The following SLC25A21 variants were observed in gnomAD, a reference collection of about 807,000 sequenced individuals.
The protein encoded by SLC25A21 is solute carrier family 25 member 21.
Under a neutral mutation model 43.8 loss-of-function variants are expected in SLC25A21, and 47 were observed. The ratio of observed to expected loss-of-function variants is 1.07; its 90% CI spans 0.85 to 1.37. The LOEUF is 1.37. Ranked by LOEUF, SLC25A21 falls within the 40% of genes most tolerant of loss-of-function variation. The pLI is 0.00. For missense variants in SLC25A21, 352 were observed against 350.2 expected, an observed-to-expected ratio of 1.00 and a Z score of -0.04; for synonymous variants, 131 against 121.3, an observed-to-expected ratio of 1.08 and a Z score of -0.52.
At chr14:36,907,053 T>C (rs572938936) in intron 1 of SLC25A21, among the ~76,000 whole-genome samples, 3 of 152,046 alleles carry the variant, frequency 2.0e-5, no homozygotes, top group African/African-American at 7.2e-5. Context: ...TGTAAGAAAA[T>C]AGGGGGATCG....
chr14:36,936,765 C>T (rs569411876), intron 1 of SLC25A21, among the ~76,000 whole-genome samples: 31 of 152,212 alleles, frequency 2.0e-4, no homozygotes, highest in Middle Eastern at 6.8e-3. Flanking sequence ...TCCACTTTGT[C>T]CTTGTAGATC....
At chr14:36,835,265 A>T (rs777666990) in intron 2 of SLC25A21, among the ~76,000 whole-genome samples, 9 of 152,256 alleles carry the variant, frequency 5.9e-5, no homozygotes, top group Admixed American at 1.3e-4. Flanking sequence ...TTGTGTTATT[A>T]TAAAGTGGGT....
At chr14:36,920,323 G>C (rs1891946754) in intron 1 of SLC25A21, among the ~76,000 whole-genome samples, 1 of 151,950 alleles carries the variant, frequency 6.6e-6, no homozygotes, top group African/African-American at 2.4e-5. Flanking sequence ...ATTCACACAG[G>C]AGACAAGAAT....
At chr14:36,789,164 C>G (rs1200568326) in intron 3 of SLC25A21, among the ~76,000 whole-genome samples, 5 of 152,032 alleles carry the variant, frequency 3.3e-5, no homozygotes, top group Non-Finnish European at 5.9e-5. Flanking sequence ...AAATAAATAA[C>G]TTTTCAGGGA....
At chr14:36,705,423 G>C (rs773913573) in intron 7 of SLC25A21, among the ~76,000 whole-genome samples, 1 of 152,116 alleles carries the variant, frequency 6.6e-6, no homozygotes, top group Non-Finnish European at 1.5e-5. Flanking sequence ...TAAACTAGGT[G>C]ATCTATTTTA....
At chr14:36,862,621 C>G (rs1287355445) in intron 2 of SLC25A21, among the ~76,000 whole-genome samples, 2 of 142,976 alleles carry the variant, frequency 1.4e-5, no homozygotes, top group Non-Finnish European at 3.1e-5. Flanking sequence ...GGCTGTGGGG[C>G]TAGGGGAGGA....
chr14:36,784,990 T>C (rs187436931), intron 3 of SLC25A21, among the ~76,000 whole-genome samples: 1 of 152,362 alleles, frequency 6.6e-6, no homozygotes, highest in Admixed American at 6.5e-5. Context: ...TAACCTATCC[T>C]TATTGTCCCT....
chr14:37,106,262 C>A (rs1773045314), intron 1 of SLC25A21, among the ~76,000 whole-genome samples: 1 of 152,158 alleles, frequency 6.6e-6, no homozygotes, highest in Admixed American at 6.6e-5. Flanking sequence ...CCACATTTTT[C>A]TTCTTGCAGA....
At chr14:37,087,615 G>A (rs1250150180) in intron 1 of SLC25A21, among the ~76,000 whole-genome samples, 3 of 151,702 alleles carry the variant, frequency 2.0e-5, no homozygotes, top group Admixed American at 6.6e-5. Flanking sequence ...TTCCTTTCTC[G>A]CTCATCTAGA....
intron 1 of SLC25A21, among the ~76,000 whole-genome samples, chr14:36,962,812 C>A (rs1318668618): frequency 6.6e-6 from 1 of 152,130 alleles, no homozygotes; most frequent in African/African-American, 2.4e-5. Flanking sequence ...TTCTTTCTTG[C>A]CTTTAAGGAT....
At chr14:36,983,819 A>G (rs1211487595) in intron 1 of SLC25A21, among the ~76,000 whole-genome samples, 1 of 152,152 alleles carries the variant, frequency 6.6e-6, no homozygotes, top group Non-Finnish European at 1.5e-5. Flanking sequence ...CTAAATAAGA[A>G]TGGAATCATA....
chr14:36,694,856 G>T (rs1371551583), intron 7 of SLC25A21, among the ~76,000 whole-genome samples: 10 of 152,082 alleles, frequency 6.6e-5, no homozygotes. Context: ...CATTCTGTAG[G>T]TTGCCTGTTC....
chr14:36,893,450 G>A (rs1891142401), intron 1 of SLC25A21, among the ~76,000 whole-genome samples: 1 of 152,170 alleles, frequency 6.6e-6, no homozygotes, highest in African/African-American at 2.4e-5. Flanking sequence ...TTAGCCCTTT[G>A]ACAGATGAGT....
chr14:37,102,426 GA>G, intron 1 of SLC25A21, among the ~76,000 whole-genome samples: 1 of 150,308 alleles, frequency 6.7e-6, no homozygotes, highest in African/African-American at 2.5e-5. Flanking sequence ...CTGGGCAACA[GA>G]GACCTTGTCT....
At chr14:36,885,550 T>G (rs759238985) in intron 1 of SLC25A21, among the ~76,000 whole-genome samples, 2 of 152,172 alleles carry the variant, frequency 1.3e-5, no homozygotes, top group Non-Finnish European at 2.9e-5. Flanking sequence ...TCATTTTGAG[T>G]AGTATGGACA....
At chr14:37,056,995 A>T (rs1400173379) in intron 1 of SLC25A21, among the ~76,000 whole-genome samples, 1 of 152,196 alleles carries the variant, frequency 6.6e-6, no homozygotes, top group African/African-American at 2.4e-5. Flanking sequence ...ACCTCATCAC[A>T]CGAAAAAGCC....
chr14:37,010,638 G>C (rs1200906118), intron 1 of SLC25A21, among the ~76,000 whole-genome samples: 1 of 152,070 alleles, frequency 6.6e-6, no homozygotes, highest in African/African-American at 2.4e-5. Context: ...TGAGCAAGAG[G>C]CCTTCCAGAC....
chr14:36,879,555 C>G (rs1954158483), intron 1 of SLC25A21, among the ~76,000 whole-genome samples: 1 of 152,124 alleles, frequency 6.6e-6, no homozygotes, highest in South Asian at 2.1e-4. Context: ...GACCCTACCA[C>G]AGGCACAAAA....
chr14:37,077,531 A>G (rs1962305907), intron 1 of SLC25A21, among the ~76,000 whole-genome samples: 1 of 152,182 alleles, frequency 6.6e-6, no homozygotes, highest in Non-Finnish European at 1.5e-5. Context: ...AGAACATGGA[A>G]AGACACCTCA....
Sources: gnomAD v4.1 joint callset for allele counts (sites outside exome capture counted in the v4.1 genomes callset) on GRCh38, gnomAD v4.1.1 for gene constraint, MANE v1.5 for transcripts, NCBI Gene and HGNC (gene_info 2026-07-23, HGNC 2026-07-21) for gene names.